Variants in ADAMTS19 observed in about 807,000 individuals in gnomAD.
The protein encoded by ADAMTS19 is A disintegrin and metalloproteinase with thrombospondin motifs 19.
In ADAMTS19, 93 loss-of-function variants were observed where a neutral mutation model predicts 153.3. That is an observed-to-expected ratio of 0.61 (90% CI 0.51 to 0.72). The LOEUF (loss-of-function observed/expected upper bound fraction) is 0.72, where lower values mean the gene tolerates loss of function less well. Among genes scored for constraint, ADAMTS19 ranks in the 30% least tolerant of loss-of-function variants. The probability of loss-of-function intolerance (pLI) is 0.00; values close to 1 mark genes in which losing one functional copy is unlikely to be tolerated. For missense variants in ADAMTS19, 1,482 were observed against 1,552.1 expected, an observed-to-expected ratio of 0.95 and a Z score of 0.76; for synonymous variants, 600 against 556.6, an observed-to-expected ratio of 1.08 and a Z score of -1.10.
intron 19 of ADAMTS19, among the ~76,000 whole-genome samples, chr5:129,697,356 G>T (rs139755586): frequency 2.0e-4 from 30 of 152,140 alleles, no homozygotes; most frequent in African/African-American, 7.2e-4. Flanking sequence ...CAATCAGCTG[G>T]GGGGCTTAAA....
At chr5:129,554,520 G>C (rs956432137) in intron 7 of ADAMTS19, among the ~76,000 whole-genome samples, 1 of 152,076 alleles carries the variant, frequency 6.6e-6, no homozygotes, top group African/African-American at 2.4e-5. Context: ...TGGATATAAA[G>C]AAGGAAGAAT....
At chr5:129,516,261 G>T (rs188317291) in intron 3 of ADAMTS19, among the ~76,000 whole-genome samples, 76 of 143,896 alleles carry the variant, frequency 5.3e-4, no homozygotes, top group Admixed American at 9.1e-4. Context: ...TAATTTATGT[G>T]TCTTTTTTTC....
chr5:129,520,641 C>T (rs995920680), intron 3 of ADAMTS19, among the ~76,000 whole-genome samples: 1 of 152,082 alleles, frequency 6.6e-6, no homozygotes, highest in Non-Finnish European at 1.5e-5. Flanking sequence ...GAGATAAATA[C>T]ATTTTTTCCA....
intron 6 of ADAMTS19, among the ~76,000 whole-genome samples, chr5:129,536,965 T>C (rs7708983): frequency 0.3 from 44,706 of 150,756 alleles, 9,577 homozygotes; most frequent in African/African-American, 0.61. Flanking sequence ...TGCTAAATGA[T>C]GAGTTAATGG....
rs1158558593 is a variant in ADAMTS19 at position 129,565,229 on chromosome 5, A to T, written c.1372+13322A>T. Among the ~76,000 whole-genome samples, 3 of 152,174 alleles carry T rather than the reference A, an allele frequency of 2.0e-5. No individual in the cohort carries two copies. The East Asian group carries it at 5.8e-4, about 29-fold the overall frequency. On this transcript the variant is annotated intron_variant, in intron 7 of 22. Coordinates refer to ENST00000274487, the MANE Select transcript of ADAMTS19 (RefSeq NM_133638.6). ...AAACCTATGAGCATTTGCTACATGTATTAGAAGCTGATTCTATACCATTTC... is the reference window on the plus strand; with the variant it reads ...AAACCTATGAGCATTTGCTACATGTTTTAGAAGCTGATTCTATACCATTTC...
rs1237666775 is a variant in ADAMTS19 at position 129,500,787 on chromosome 5, T to TA, written c.748-8289dup. On this transcript the variant is annotated intron_variant, in intron 2 of 22. Transcript: ENST00000274487. ...ACTACTGTTCCCTGAGCTCTAACTGTACAAAGTTGATACTAATAAGCATTT... is the reference window on the plus strand; with the variant it reads ...ACTACTGTTCCCTGAGCTCTAACTGTAACAAAGTTGATACTAATAAGCATTT... Among the ~76,000 whole-genome samples the TA allele has an allele frequency of 2.6e-5, 4 of 152,034 alleles. No homozygotes were observed. The East Asian group carries it at 7.7e-4, about 29-fold the overall frequency.
At chr5:129,658,082 C>T (rs1183632395) in intron 14 of ADAMTS19, among the ~76,000 whole-genome samples, 4 of 151,864 alleles carry the variant, frequency 2.6e-5, no homozygotes, top group Non-Finnish European at 4.4e-5. Context: ...CTCAGGAGTT[C>T]GAGACCAGCG....
At chr5:129,634,618 C>A (rs967367180) in intron 10 of ADAMTS19, among the ~76,000 whole-genome samples, 1 of 151,974 alleles carries the variant, frequency 6.6e-6, no homozygotes, top group Non-Finnish European at 1.5e-5. Flanking sequence ...AACCCAGAAA[C>A]AAGGTTGCAA....
At chr5:129,477,169 T>G (rs1750253418) in intron 2 of ADAMTS19, among the ~76,000 whole-genome samples, 1 of 152,174 alleles carries the variant, frequency 6.6e-6, no homozygotes, top group Admixed American at 6.5e-5. Flanking sequence ...ACACTCAGTT[T>G]GAGCTTTAAG....
intron 7 of ADAMTS19, among the ~76,000 whole-genome samples, chr5:129,572,393 A>G (rs1383914654): frequency 6.6e-6 from 1 of 152,002 alleles, no homozygotes; most frequent in South Asian, 2.1e-4. Context: ...TGCACTTAAC[A>G]TATGACCCAG....
intron 11 of ADAMTS19, among the ~76,000 whole-genome samples, chr5:129,642,225 T>C (rs1428910634): frequency 1.3e-5 from 2 of 152,000 alleles, no homozygotes; most frequent in Admixed American, 6.6e-5. Context: ...TATGCATTAA[T>C]ATAGCAAAAA....
chr5:129,577,487 A>G (rs945653065), intron 7 of ADAMTS19, among the ~76,000 whole-genome samples: 1 of 152,122 alleles, frequency 6.6e-6, no homozygotes, highest in Non-Finnish European at 1.5e-5. Flanking sequence ...GGAGAAGGAA[A>G]TTTATAATTT....
intron 15 of ADAMTS19, among the ~76,000 whole-genome samples, chr5:129,663,571 C>T (rs1365052137): frequency 1.3e-5 from 2 of 152,174 alleles, no homozygotes; most frequent in East Asian, 1.9e-4. Context: ...TTATTATACC[C>T]ACTTTCTTTT....
At chr5:129,676,173 CT>C in intron 16 of ADAMTS19, among the ~76,000 whole-genome samples, 1 of 152,168 alleles carries the variant, frequency 6.6e-6, no homozygotes, top group East Asian at 1.9e-4. Context: ...ATACCTAGTA[CT>C]TTTTGGTTGG....
intron 10 of ADAMTS19, among the ~76,000 whole-genome samples, chr5:129,633,168 G>A (rs1045807654): frequency 6.6e-6 from 1 of 151,774 alleles, no homozygotes; most frequent in Non-Finnish European, 1.5e-5. Context: ...AATCCATTCA[G>A]TCAACTTTTA....
intron 16 of ADAMTS19, among the ~76,000 whole-genome samples, chr5:129,667,216 T>C (rs1488564327): frequency 6.6e-6 from 1 of 152,192 alleles, no homozygotes; most frequent in Non-Finnish European, 1.5e-5. Context: ...CTGGTCTCTT[T>C]TGTGAGGTCT....
chr5:129,629,476 T>C (rs10038343), intron 10 of ADAMTS19, among the ~76,000 whole-genome samples: 38,688 of 151,890 alleles, frequency 0.25, 5,904 homozygotes, highest in African/African-American at 0.43. Context: ...ACAAAGGCAG[T>C]TGGGCCATAG....
chr5:129,725,091 C>T (rs920120859), intron 21 of ADAMTS19, among the ~76,000 whole-genome samples: 47 of 152,070 alleles, frequency 3.1e-4, no homozygotes, highest in Non-Finnish European at 1.3e-4. Flanking sequence ...GGCTGCTTTT[C>T]ATTAAAAGAA....
At chr5:129,658,164 T>C (rs1013224331) in intron 14 of ADAMTS19, among the ~76,000 whole-genome samples, 4 of 151,888 alleles carry the variant, frequency 2.6e-5, no homozygotes, top group Non-Finnish European at 4.4e-5. Context: ...CGCATGCCTA[T>C]AGTCCCAGCT....
Sources: gnomAD v4.1 joint callset for allele counts (sites outside exome capture counted in the v4.1 genomes callset) on GRCh38, gnomAD v4.1.1 for gene constraint, MANE v1.5 for transcripts, NCBI Gene and HGNC (gene_info 2026-07-23, HGNC 2026-07-21) for gene names.